The following OVOL2 variants were observed in gnomAD, a reference collection of about 807,000 sequenced individuals.
OVOL2 encodes the protein ovo like zinc finger 2, also known as transcription factor Ovo-like 2.
Under a neutral mutation model 18.1 loss-of-function variants are expected in OVOL2, and 13 were observed. That is an observed-to-expected ratio of 0.72 (90% CI 0.47 to 1.14). The LOEUF (loss-of-function observed/expected upper bound fraction) is 1.14, where lower values mean the gene tolerates loss of function less well. Ranked by LOEUF, OVOL2 falls within the 50% of genes most tolerant of loss-of-function variation. The pLI is 0.00. For missense variants in OVOL2, 335 were observed against 383.0 expected, an observed-to-expected ratio of 0.87 and a Z score of 1.05; for synonymous variants, 166 against 162.7, an observed-to-expected ratio of 1.02 and a Z score of -0.16.
At chr20:18,050,660 C>T (rs1487559438) in intron 2 of OVOL2, 2 of 150,972 alleles carry the variant, frequency 1.3e-5, no homozygotes, top group East Asian at 1.9e-4. Context: ...GAATCCATTC[C>T]AAGCATTTTT....
At chr20:18,040,589 G>T (rs1043305226) in intron 3 of OVOL2, among the ~76,000 whole-genome samples, 8 of 152,152 alleles carry the variant, frequency 5.3e-5, no homozygotes, top group Admixed American at 5.2e-4. Context: ...TGGAGCTCAG[G>T]CGGGAAAGCA....
In OVOL2 at chr20:18,024,618, T is replaced by C. The variant is rs1463076588; in HGVS notation, c.*18A>G. The C allele has an allele frequency of 6.4e-7, 1 of 1,561,946 alleles. No individual in the cohort carries two copies. Among genetic ancestry groups the C allele is most frequent in the Non-Finnish European group, 8.7e-7 (1 of 1,150,688 alleles). ...ACATACGTGGCAGTGTGAACGTCTGTCCTCCCCTTCCTTCTCCTCACTTCC... is the reference window on the plus strand; with the variant it reads ...ACATACGTGGCAGTGTGAACGTCTGCCCTCCCCTTCCTTCTCCTCACTTCC... On this transcript the variant is annotated 3_prime_UTR_variant, in exon 4 of 4. Transcript: ENST00000278780.
intron 2 of OVOL2, among the ~76,000 whole-genome samples, chr20:18,047,810 C>CAT (rs2036736508): frequency 2.5e-5 from 3 of 120,720 alleles, no homozygotes; most frequent in Non-Finnish European, 3.3e-5. Context: ...GCTGAGATTG[C>CAT]GCCATTGCAC....
intron 2 of OVOL2, among the ~76,000 whole-genome samples, chr20:18,046,303 T>A (rs2036723698): frequency 6.6e-6 from 1 of 152,206 alleles, no homozygotes; most frequent in Admixed American, 6.5e-5. Context: ...TACATGTCTA[T>A]CAATAGGAAC....
intron 3 of OVOL2, among the ~76,000 whole-genome samples, chr20:18,030,039 A>G (rs73266196): frequency 0.011 from 1,716 of 152,292 alleles, 30 homozygotes; most frequent in African/African-American, 0.039. Context: ...TTTTAAGGCA[A>G]TATTTTAAAA....
At chr20:18,041,827 G>A (rs1191277038) in intron 2 of OVOL2, 104 bp from the exon 3 acceptor site, 14 of 1,040,648 alleles carry the variant, frequency 1.3e-5, no homozygotes, top group Admixed American at 9.2e-5. Context: ...CCCTGTCTGC[G>A]GCTTCTGCCC....
chr20:18,051,059 A>G, intron 2 of OVOL2, among the ~76,000 whole-genome samples: 1 of 152,108 alleles, frequency 6.6e-6, no homozygotes, highest in East Asian at 1.9e-4. Flanking sequence ...TTGAATCCAT[A>G]ATTCACAACA....
rs1228972463 is a variant in OVOL2 at position 18,057,394 on chromosome 20, C to A, written c.100+141G>T. On this transcript the variant is annotated intron_variant, in intron 1 of 3. Transcript: ENST00000278780. The surrounding 1 kb of genome is among the most constrained non-coding windows in gnomAD (Gnocchi z 6.3). ...CAGTCCCTCATTGCCTGCCCTAACC[C>A]GCCTAGAAGACCCCCGCGTGCCCCC... is the stretch of plus-strand genomic sequence containing the variant. 12 of 988,644 alleles carry A rather than the reference C, an allele frequency of 1.2e-5. No homozygotes were observed. The highest frequency in any genetic ancestry group is 6.4e-5 in the South Asian group (4 of 62,550). The allele number at this position is 988,644 out of a possible 1,614,324, so 61.2% of individuals were successfully genotyped here.
intron 3 of OVOL2, among the ~76,000 whole-genome samples, chr20:18,031,857 C>T (rs1334078831): frequency 6.6e-6 from 1 of 152,118 alleles, no homozygotes; most frequent in Non-Finnish European, 1.5e-5. Flanking sequence ...TTTTTTACCC[C>T]TAATAGCAAA....
intron 3 of OVOL2, among the ~76,000 whole-genome samples, chr20:18,025,440 G>A (rs1193706334): frequency 3.3e-5 from 5 of 151,948 alleles, no homozygotes; most frequent in South Asian, 2.1e-4. Context: ...ATGGTGGCGC[G>A]CACCCATAGT....
chr20:18,044,418 A>C (rs1042979048), intron 2 of OVOL2, among the ~76,000 whole-genome samples: 16 of 152,114 alleles, frequency 1.1e-4, no homozygotes, highest in African/African-American at 3.9e-4. Flanking sequence ...GCCAGTGCAC[A>C]ATCAGTATGT....
At chr20:18,037,048 C>A (rs6045155) in intron 3 of OVOL2, among the ~76,000 whole-genome samples, 91,774 of 149,236 alleles carry the variant, frequency 0.61, 28,719 homozygotes, top group African/African-American at 0.72. Flanking sequence ...AGGCAGGAGA[C>A]TGGCGTGAAC....
At chr20:18,049,802 G>A (rs2036756216) in intron 2 of OVOL2, among the ~76,000 whole-genome samples, 1 of 152,172 alleles carries the variant, frequency 6.6e-6, no homozygotes, top group Non-Finnish European at 1.5e-5. Context: ...AGGCCCACAG[G>A]TCTGTGGGGC....
chr20:18,033,477 G>A (rs554877840), intron 3 of OVOL2, among the ~76,000 whole-genome samples: 5 of 152,324 alleles, frequency 3.3e-5, no homozygotes, highest in South Asian at 2.1e-4. Context: ...GGAGCCCCAC[G>A]GATGTGTGTG....
upstream of OVOL2, chr20:18,058,012 C>T (rs933651598): frequency 2.2e-4 from 79 of 355,210 alleles, no homozygotes; most frequent in Non-Finnish European, 2.7e-4. Flanking sequence ...CCAGCCCTTC[C>T]TTAGGCATGA....
chr20:18,026,288 C>T (rs2036514500), intron 3 of OVOL2, among the ~76,000 whole-genome samples: 1 of 152,146 alleles, frequency 6.6e-6, no homozygotes, highest in Admixed American at 6.6e-5. Context: ...TACATACTTG[C>T]CAGAGCCTCA....
chr20:18,053,701 C>CA lies in OVOL2; in HGVS notation c.321+2955dup, dbSNP rs3078037. 5.1e-3 allele frequency among the ~76,000 whole-genome samples: 541 copies of CA among 106,908 alleles called. 7 individuals are homozygous for CA. Among genetic ancestry groups the CA allele is most frequent in the South Asian group, 0.02 (60 of 3,010 alleles). The allele number at this position is 106,908 out of a possible 152,430, so 70.1% of individuals were successfully genotyped here. A position where few individuals can be genotyped will look rare whatever the true frequency, so the allele number is the denominator to read the frequency against. ...CAGGCGACAGAGAGAGACTCTGTCT[C>CA]AAAAAAAAAAAAAAAAAAGAGGAAC... On this transcript the variant is annotated intron_variant, in intron 2 of 3. Transcript: ENST00000278780.
At chr20:18,033,948 C>A (rs766333283) in intron 3 of OVOL2, among the ~76,000 whole-genome samples, 3 of 152,276 alleles carry the variant, frequency 2.0e-5, no homozygotes, top group African/African-American at 7.2e-5. Flanking sequence ...AATATAAAGG[C>A]CCATGTTTTT....
At chr20:18,037,935 G>A (rs548550593) in intron 3 of OVOL2, among the ~76,000 whole-genome samples, 1 of 152,046 alleles carries the variant, frequency 6.6e-6, no homozygotes, top group Non-Finnish European at 1.5e-5. Context: ...CTGCTTCTTG[G>A]GCAACCCAAA....
Sources: allele counts gnomAD v4.1 joint callset (sites outside exome capture counted in the v4.1 genomes callset), GRCh38; gene constraint gnomAD v4.1.1; non-coding constraint Gnocchi (gnomAD v3.1); transcripts MANE v1.5; gene names NCBI Gene and HGNC (gene_info 2026-07-23, HGNC 2026-07-21).